Variants in WIPI1 observed in about 807,000 individuals in gnomAD.
The protein encoded by WIPI1 is WD repeat domain, phosphoinositide interacting 1.
A neutral mutation model predicts 55.3 loss-of-function variants in WIPI1; 45 were observed. The ratio of observed to expected loss-of-function variants is 0.81; its 90% CI spans 0.64 to 1.04. WIPI1 has a LOEUF of 1.04. Ranked by LOEUF, WIPI1 falls within the 50% of genes least tolerant of loss-of-function variation. The probability of loss-of-function intolerance (pLI) is 0.00; values close to 1 mark genes in which losing one functional copy is unlikely to be tolerated. For missense variants in WIPI1, 445 were observed against 559.0 expected, an observed-to-expected ratio of 0.80 and a Z score of 2.06; for synonymous variants, 195 against 217.6, an observed-to-expected ratio of 0.90 and a Z score of 0.92.
In WIPI1 at chr17:68,452,862, G is replaced by A. The variant is rs557247974; in HGVS notation, c.163+48C>T. 52 of 1,549,738 alleles carry A rather than the reference G, an allele frequency of 3.4e-5. No homozygotes were observed. The East Asian group carries it at 1.1e-3, about 34-fold the overall frequency. ...ACCGCAGATTAAAGCCTAGAAGGAG[G>A]CTCTGGTTCTCCTGCAGATCCCTGA... On this transcript the variant is annotated intron_variant, in intron 2 of 12. Transcript: ENST00000262139.
At chr17:68,427,323 G>A (rs2083262861) in intron 10 of WIPI1, 70 bp from the exon 11 acceptor site, 4 of 1,184,036 alleles carry the variant, frequency 3.4e-6, no homozygotes, top group Non-Finnish European at 5.0e-6. Context: ...CCTTCCAAAG[G>A]AAAAGCATGA....
intron 10 of WIPI1, 47 bp from the exon 11 acceptor site, chr17:68,427,300 T>C (rs776170548): frequency 3.5e-6 from 5 of 1,411,092 alleles, no homozygotes; most frequent in Middle Eastern, 1.8e-4. Context: ...GAAATCATCA[T>C]ATATCTAGGA....
intron 1 of WIPI1, 47 bp downstream of exon 1, chr17:68,457,295 G>A (rs1184549383): frequency 2.0e-6 from 3 of 1,534,138 alleles, no homozygotes; most frequent in Non-Finnish European, 2.6e-6. Flanking sequence ...CCTGGGTCCT[G>A]ACACTCTGTC....
chr17:68,427,153 A>C lies in WIPI1; in HGVS notation c.1174T>G (p.Ser392Ala), dbSNP rs768093707. ...CACCCACCTGGCACCGTGGAGGCTGAAGATGCACTTGGTCTGGCTACGGTC... is the reference window on the plus strand; with the variant it reads ...CACCCACCTGGCACCGTGGAGGCTGCAGATGCACTTGGTCTGGCTACGGTC... ...AATVARPSAS[S>A]ASTVPGYSED... The change falls in exon 11 of 13, where the codon TCA (serine) becomes GCA (alanine). Residue 392 changes from serine (S) to alanine (A), a missense_variant. Transcript: ENST00000262139. The C allele has an allele frequency of 1.2e-6, 2 of 1,613,932 alleles. No homozygotes were observed. The highest frequency in any genetic ancestry group is 2.7e-5 in the African/African-American group (2 of 74,906).
chr17:68,455,736 C>T (rs866678721), intron 1 of WIPI1, among the ~76,000 whole-genome samples: 1 of 152,288 alleles, frequency 6.6e-6, no homozygotes, highest in Middle Eastern at 3.4e-3. Flanking sequence ...CATTCTTATT[C>T]AATTTCTGTA....
chr17:68,435,769 C>T, intron 5 of WIPI1, 57 bp from the exon 6 acceptor site: 1 of 1,480,086 alleles, frequency 6.8e-7, no homozygotes, highest in Non-Finnish European at 9.4e-7. Flanking sequence ...AGATGGATTT[C>T]ACCTCCCTCC....
rs781211600 is a variant in WIPI1, at chr17:68,457,438, G to A, written c.-17C>T. On this transcript the variant is annotated 5_prime_UTR_variant, in exon 1 of 13. Transcript: ENST00000262139. ...GGCCTCCATCGGGGGCTCGGCCCGG[G>A]AAGCCGCAGCTCGGAGCCGGCGACA... 2.6e-4 allele frequency: 109 copies of A among 416,304 alleles called. No homozygotes were observed. The highest frequency in any genetic ancestry group is 3.5e-4 in the Non-Finnish European group (103 of 294,438). The allele number at this position is 416,304 out of a possible 1,614,324, so 25.8% of individuals were successfully genotyped here. A position where few individuals can be genotyped will look rare whatever the true frequency, so the allele number is the denominator to read the frequency against.
intron 1 of WIPI1, among the ~76,000 whole-genome samples, chr17:68,453,479 C>CTTT (rs112934024): frequency 2.2e-5 from 3 of 136,192 alleles, no homozygotes; most frequent in African/African-American, 5.5e-5. Flanking sequence ...TTTTCTTTTC[C>CTTT]TTTTTTTTTT....
At chr17:68,428,680 A>T in intron 10 of WIPI1, 149 bp downstream of exon 10, 1 of 625,832 alleles carries the variant, frequency 1.6e-6, no homozygotes, top group Non-Finnish European at 2.8e-6. Context: ...AGCCCGGTGC[A>T]GAGCACTTGC....
intron 4 of WIPI1, among the ~76,000 whole-genome samples, chr17:68,444,023 G>A (rs774856140): frequency 1.3e-5 from 2 of 152,056 alleles, no homozygotes; most frequent in African/African-American, 4.8e-5. Flanking sequence ...GCATATCGTC[G>A]AAGTAGAGAG....
rs556777098 is a variant in WIPI1, at chr17:68,433,760, G to GTTTT, written c.693-189_693-186dup. Among the ~76,000 whole-genome samples the GTTTT allele has an allele frequency of 2.5e-4, 18 of 72,818 alleles. 4 individuals are homozygous for GTTTT. The South Asian group carries it at 2.8e-3, about 11-fold the overall frequency. The allele number at this position is 72,818 out of a possible 152,430, so 47.8% of individuals were successfully genotyped here. On this transcript the variant is annotated intron_variant, in intron 7 of 12. Coordinates refer to ENST00000262139, the MANE Select transcript of WIPI1 (RefSeq NM_017983.7). ...TCAGAAAGATTCACAAAGGGTCATA[G>GTTTT]TTTTTTTTTTTTTTTTTTTTTTTTT...
rs112906208 is a variant in WIPI1, at chr17:68,421,929, C to T, written c.1294-109G>A. ...GCAGAGTGAGCAGGGAGAGGCTGGGCACTGTGGAATTTTTCTGTCTGAACT... is the reference window on the plus strand; with the variant it reads ...GCAGAGTGAGCAGGGAGAGGCTGGGTACTGTGGAATTTTTCTGTCTGAACT... On this transcript the variant is annotated intron_variant, in intron 12 of 12. Coordinates refer to ENST00000262139, the MANE Select transcript of WIPI1 (RefSeq NM_017983.7). 3.0e-3 allele frequency: 4,288 copies of T among 1,446,504 alleles called. 113 individuals carry two copies. The African/African-American group carries it at 0.054, about 18-fold the overall frequency. 89.6% of individuals were successfully genotyped at this position (1,446,504 alleles called of 1,614,324 possible). A position where few individuals can be genotyped will look rare whatever the true frequency, so the allele number is the denominator to read the frequency against.
At chr17:68,432,051 G>T (rs1568631123) in intron 8 of WIPI1, among the ~76,000 whole-genome samples, 1 of 152,196 alleles carries the variant, frequency 6.6e-6, no homozygotes, top group South Asian at 2.1e-4. Flanking sequence ...AAAAGTGAAA[G>T]AAAATCCTAA....
At chr17:68,437,195 A>G (rs1221487972) in intron 4 of WIPI1, among the ~76,000 whole-genome samples, 2 of 152,060 alleles carry the variant, frequency 1.3e-5, no homozygotes, top group Non-Finnish European at 2.9e-5. Flanking sequence ...TCTGCAGATG[A>G]TTATATACTG....
chr17:68,437,783 T>C (rs1405131865), intron 4 of WIPI1, among the ~76,000 whole-genome samples: 2 of 151,706 alleles, frequency 1.3e-5, no homozygotes, highest in African/African-American at 4.8e-5. Flanking sequence ...ACATAAGCTG[T>C]TTTTATTTAT....
At chr17:68,441,808 T>G (rs2084090149) in intron 4 of WIPI1, among the ~76,000 whole-genome samples, 1 of 152,192 alleles carries the variant, frequency 6.6e-6, no homozygotes, top group East Asian at 1.9e-4. Context: ...TCAGGAGAAG[T>G]TGAGGTGATA....
rs764499173 is a variant in WIPI1 at position 68,432,814 on chromosome 17, G to A, written c.800+654C>T. ...TTCTCTAGAATCCTTGCCCCCCACCGTGGGGTATGAAACACTGGGGGCTGC... is the reference window on the plus strand; with the variant it reads ...TTCTCTAGAATCCTTGCCCCCCACCATGGGGTATGAAACACTGGGGGCTGC... On this transcript the variant is annotated intron_variant, in intron 8 of 12. Transcript: ENST00000262139. Among the ~76,000 whole-genome samples, 65 of 152,252 alleles carry A rather than the reference G, an allele frequency of 4.3e-4. 1 individual carries two copies. The highest frequency in any genetic ancestry group is 1.4e-3 in the African/African-American group (59 of 41,546).
intron 3 of WIPI1, 27 bp from the exon 4 acceptor site, chr17:68,444,616 A>G (rs1450929909): frequency 6.3e-7 from 1 of 1,592,098 alleles, no homozygotes. Flanking sequence ...TTATCAGTCT[A>G]CCGAACCGTT....
chr17:68,426,253 G>GGCCCCCC, intron 11 of WIPI1, 78 bp from the exon 12 acceptor site: 1 of 841,014 alleles, frequency 1.2e-6, no homozygotes. Flanking sequence ...GGGGAGCGGG[G>GGCCCCCC]GCTCAAATAA....
Sources: allele counts gnomAD v4.1 joint callset (sites outside exome capture counted in the v4.1 genomes callset), GRCh38; gene constraint gnomAD v4.1.1; transcripts MANE v1.5; gene names NCBI Gene and HGNC (gene_info 2026-07-23, HGNC 2026-07-21).